CYP2C19: variants seen among roughly 807,000 people sequenced by gnomAD.
The protein encoded by CYP2C19 is cytochrome P450 2C19.
Under a neutral mutation model 40.9 loss-of-function variants are expected in CYP2C19, and 59 were observed. The ratio of observed to expected loss-of-function variants is 1.44; its 90% CI spans 1.17 to 1.79. The LOEUF (loss-of-function observed/expected upper bound fraction) is 1.79, where lower values mean the gene tolerates loss of function less well. CYP2C19 is among the 40% of genes most tolerant of loss of function. The pLI is 0.00. For missense variants in CYP2C19, 754 were observed against 596.9 expected (o/e 1.26, Z -2.74); for synonymous variants, 253 against 208.7 (o/e 1.21, Z -1.83).
At chr10:94,828,742 C>T (rs1849274130) in intron 6 of CYP2C19, among the ~76,000 whole-genome samples, 1 of 151,968 alleles carries the variant, frequency 6.6e-6, no homozygotes, top group Non-Finnish European at 1.5e-5. Flanking sequence ...TTAGTTGATG[C>T]AGTTTCTTCC....
At chr10:94,768,714 A>C (rs1433221836) in intron 1 of CYP2C19, among the ~76,000 whole-genome samples, 1 of 152,136 alleles carries the variant, frequency 6.6e-6, no homozygotes, top group Non-Finnish European at 1.5e-5. Context: ...GCCTTTTGCT[A>C]CAACATCAAT....
intron 5 of CYP2C19, among the ~76,000 whole-genome samples, chr10:94,786,498 T>C (rs1434596936): frequency 6.6e-6 from 1 of 152,094 alleles, no homozygotes; most frequent in Admixed American, 6.6e-5. Context: ...TGCCTGATTT[T>C]AAAATGATAC....
At chr10:94,770,374 C>A (rs1450752043) in intron 1 of CYP2C19, among the ~76,000 whole-genome samples, 1 of 152,138 alleles carries the variant, frequency 6.6e-6, no homozygotes, top group Non-Finnish European at 1.5e-5. Context: ...ACACTGATAA[C>A]AAGCCCTACT....
chr10:94,834,219 C>G (rs1849368155), intron 6 of CYP2C19, among the ~76,000 whole-genome samples: 1 of 152,060 alleles, frequency 6.6e-6, no homozygotes, highest in Non-Finnish European at 1.5e-5. Context: ...CTTCCTGGTT[C>G]AATCTCAATA....
rs190590127 is a variant in CYP2C19 at position 94,790,659 on chromosome 10, A to G, written c.819+8662A>G. Among the ~76,000 whole-genome samples the G allele has an allele frequency of 3.1e-3, 475 of 152,110 alleles. 3 individuals are homozygous for G. Among genetic ancestry groups the G allele is most frequent in the African/African-American group, 0.011 (451 of 41,522 alleles). ...TGATGGATTACGTTTATTGATTTGC[A>G]TATGTTGAAAAAGCCTTGCATCCCC... On this transcript the variant is annotated intron_variant, in intron 5 of 8. Transcript: ENST00000371321.
chr10:94,793,529 T>C (rs1242151040), intron 5 of CYP2C19, among the ~76,000 whole-genome samples: 3 of 152,164 alleles, frequency 2.0e-5, no homozygotes, highest in African/African-American at 7.2e-5. Context: ...GACATACAGA[T>C]GGTGTTTTGG....
intron 6 of CYP2C19, among the ~76,000 whole-genome samples, chr10:94,830,760 A>AT (rs1461678876): frequency 5.3e-5 from 8 of 151,456 alleles, no homozygotes; most frequent in Non-Finnish European, 1.2e-4. Flanking sequence ...TTCCTTTTTT[A>AT]TTTTTTATAT....
chr10:94,764,215 G>T (rs191506186), intron 1 of CYP2C19, among the ~76,000 whole-genome samples: 14 of 152,256 alleles, frequency 9.2e-5, no homozygotes, highest in African/African-American at 3.4e-4. Context: ...GCTGGCTCAG[G>T]TGGGCAGCTT....
intron 5 of CYP2C19, among the ~76,000 whole-genome samples, chr10:94,809,246 T>C (rs937212518): frequency 2.6e-5 from 4 of 152,182 alleles, no homozygotes; most frequent in African/African-American, 9.7e-5. Flanking sequence ...TTGGGAAACG[T>C]CTATTCAAAT....
chr10:94,847,743 T>C (rs1209900471), intron 7 of CYP2C19, among the ~76,000 whole-genome samples: 1 of 152,186 alleles, frequency 6.6e-6, no homozygotes, highest in African/African-American at 2.4e-5. Context: ...GCACCTGTTG[T>C]TTCCTGACTT....
chr10:94,827,459 T>C (rs1669266282), intron 6 of CYP2C19, among the ~76,000 whole-genome samples: 1 of 152,080 alleles, frequency 6.6e-6, no homozygotes, highest in East Asian at 1.9e-4. Context: ...TAGAGGTGTT[T>C]GTAGTATTCT....
chr10:94,789,729 C>T (rs78397134), intron 5 of CYP2C19, among the ~76,000 whole-genome samples: 11,096 of 152,160 alleles, frequency 0.073, 471 homozygotes, highest in South Asian at 0.12. Flanking sequence ...CAGTACCATG[C>T]TGTTTTTATT....
At chr10:94,840,927 C>T (rs1014433040) in intron 6 of CYP2C19, among the ~76,000 whole-genome samples, 1 of 152,200 alleles carries the variant, frequency 6.6e-6, no homozygotes, top group Non-Finnish European at 1.5e-5. Context: ...TCCTCCAGTT[C>T]TAAGGAAGGA....
chr10:94,804,953 G>C (rs765577676), intron 5 of CYP2C19, among the ~76,000 whole-genome samples: 2 of 151,574 alleles, frequency 1.3e-5, no homozygotes, highest in African/African-American at 2.4e-5. Context: ...TGTTTTCTTT[G>C]TGTATTGTAT....
chr10:94,830,214 G>A (rs576730286), intron 6 of CYP2C19, among the ~76,000 whole-genome samples: 21 of 152,324 alleles, frequency 1.4e-4, no homozygotes, highest in Admixed American at 6.5e-4. Flanking sequence ...CTTTGTTTAC[G>A]TAATCAAGCA....
At chr10:94,838,170 C>T (rs184374820) in intron 6 of CYP2C19, among the ~76,000 whole-genome samples, 144 of 152,182 alleles carry the variant, frequency 9.5e-4, no homozygotes, top group East Asian at 2.7e-3. Context: ...CCTTCTAGCA[C>T]GTAAGTTAGC....
intron 5 of CYP2C19, among the ~76,000 whole-genome samples, chr10:94,804,173 A>C (rs567328962): frequency 6.6e-6 from 1 of 152,246 alleles, no homozygotes; most frequent in South Asian, 2.1e-4. Context: ...CTTAGGGGAA[A>C]GGCTGAGGCA....
At chr10:94,837,908 C>T (rs941212612) in intron 6 of CYP2C19, among the ~76,000 whole-genome samples, 11 of 146,392 alleles carry the variant, frequency 7.5e-5, no homozygotes, top group Non-Finnish European at 1.2e-4. Context: ...GGGGCATGGA[C>T]GAGGGGGCAG....
At chr10:94,824,980 A>G (rs1000294244) in intron 6 of CYP2C19, among the ~76,000 whole-genome samples, 17 of 143,918 alleles carry the variant, frequency 1.2e-4, no homozygotes, top group Non-Finnish European at 1.8e-4. Context: ...TACAAAGGAC[A>G]TGAACTCATC....
Sources: gnomAD v4.1 joint callset for allele counts (sites outside exome capture counted in the v4.1 genomes callset) on GRCh38, gnomAD v4.1.1 for gene constraint, MANE v1.5 for transcripts, NCBI Gene and HGNC (gene_info 2026-07-23, HGNC 2026-07-21) for gene names.